The following SERF2 variants were observed in gnomAD, a reference collection of about 807,000 sequenced individuals.
SERF2 encodes gastric cancer-related protein VRG107.
A neutral mutation model predicts 10.7 loss-of-function variants in SERF2; 4 were observed. The observed-to-expected ratio is 0.37, with a 90% CI of 0.18 to 0.86. SERF2 has a LOEUF of 0.86. Among genes scored for constraint, SERF2 ranks in the 40% least tolerant of loss-of-function variants. SERF2 has a pLI of 0.43. For synonymous variants in SERF2, 26 were observed against 26.0 expected (o/e 1.00, Z 0.01); for missense variants, 47 against 79.1 (o/e 0.59, Z 1.54).
chr15:43,793,164 A>G (rs1162550250), intron 2 of SERF2, 81 bp downstream of exon 2: 10 of 879,210 alleles, frequency 1.1e-5, no homozygotes, highest in Non-Finnish European at 3.7e-6. Context: ...GAGCTACCTC[A>G]GGGCTTGAAT....
chr15:43,783,452 C>A (rs1253431551), intron 1 of SERF2, among the ~76,000 whole-genome samples: 1 of 152,066 alleles, frequency 6.6e-6, no homozygotes, highest in Admixed American at 6.6e-5. Context: ...CATGTGCCAC[C>A]ACGCCTGGCT....
intron 2 of SERF2, chr15:43,793,309 G>A (rs1304052910): frequency 1.4e-5 from 8 of 565,682 alleles, no homozygotes; most frequent in Non-Finnish European, 2.5e-5. Context: ...ATTTCTGAGC[G>A]TCCCTGGGTC....
upstream of SERF2, chr15:43,792,252 T>A (rs1325744111): frequency 1.3e-5 from 11 of 842,772 alleles, no homozygotes; most frequent in Admixed American, 2.1e-4. Context: ...GGGAGCCGGC[T>A]CCCGGGCGCG....
At chr15:43,786,918 T>A (rs2087011917) in intron 2 of SERF2, among the ~76,000 whole-genome samples, 1 of 152,162 alleles carries the variant, frequency 6.6e-6, no homozygotes, top group Non-Finnish European at 1.5e-5. Context: ...TCAGGCTAAT[T>A]TAGGCCACAT....
chr15:43,792,232 C>G, upstream of SERF2: 1 of 744,100 alleles, frequency 1.3e-6, no homozygotes, highest in East Asian at 2.6e-5. Flanking sequence ...CGTGCTTTTT[C>G]TTGTCCAATG....
intron 1 of SERF2, chr15:43,792,661 C>T: frequency 7.5e-7 from 1 of 1,338,398 alleles, no homozygotes; most frequent in Non-Finnish European, 9.8e-7. Context: ...CCCCACTCCA[C>T]AAGCCAGCCC....
chr15:43,781,913 A>C (rs1266334499), intron 1 of SERF2, among the ~76,000 whole-genome samples: 1 of 145,040 alleles, frequency 6.9e-6, no homozygotes, highest in East Asian at 2.1e-4. Flanking sequence ...TTTTTGAGAC[A>C]CAGTTTGCTT....
chr15:43,788,627 TCTC>T (rs1403661227), upstream of SERF2, among the ~76,000 whole-genome samples: 1 of 152,174 alleles, frequency 6.6e-6, no homozygotes, highest in Non-Finnish European at 1.5e-5. Flanking sequence ...TCCTGACTGG[TCTC>T]CTCATTTCTA....
chr15:43,784,779 G>T (rs978442239), intron 1 of SERF2, among the ~76,000 whole-genome samples: 5 of 144,746 alleles, frequency 3.5e-5, no homozygotes, highest in African/African-American at 1.3e-4. Flanking sequence ...TTGAGACGGT[G>T]TCTCACTCTG....
upstream of SERF2, among the ~76,000 whole-genome samples, chr15:43,791,332 C>T (rs1231331518): frequency 3.3e-5 from 5 of 151,776 alleles, no homozygotes; most frequent in Non-Finnish European, 7.4e-5. Flanking sequence ...ACTTCCGCCT[C>T]CCGGGTTCAA....
chr15:43,782,439 A>G (rs777835961), intron 1 of SERF2, among the ~76,000 whole-genome samples: 11 of 152,100 alleles, frequency 7.2e-5, no homozygotes, highest in Admixed American at 1.3e-4. Context: ...TTAGTTACCT[A>G]TGTACTTATT....
chr15:43,785,405 T>C (rs1415901111), intron 1 of SERF2: 1 of 151,944 alleles, frequency 6.6e-6, no homozygotes, highest in African/African-American at 2.4e-5. Context: ...TTTCCTTTTT[T>C]TTAGAGACAT....
At chr15:43,792,435 C>T in intron 1 of SERF2, 52 bp downstream of exon 1, 2 of 1,613,782 alleles carry the variant, frequency 1.2e-6, no homozygotes, top group Non-Finnish European at 1.7e-6. Flanking sequence ...TCACCCTAAA[C>T]ACCACCGGCG....
At position 43,792,325 on chromosome 15, in the gene SERF2, C is replaced by G. The variant is rs1567167130; in HGVS notation, c.-52C>G. Reference sequence around the variant, plus strand: ...CCAGAAGGGGCGGGACCTGCAACGTCCGACAGAACGAGGGGACGTAACGGA... The same window carrying G: ...CCAGAAGGGGCGGGACCTGCAACGTGCGACAGAACGAGGGGACGTAACGGA... On this transcript the variant is annotated 5_prime_UTR_variant, in exon 1 of 3. Transcript: ENST00000249786. 1 of 1,490,898 alleles carries G rather than the reference C, an allele frequency of 6.7e-7. No individual in the cohort carries two copies. The highest frequency in any genetic ancestry group is 1.4e-5 in the African/African-American group (1 of 72,356). 92.4% of individuals were successfully genotyped at this position (1,490,898 alleles called of 1,614,324 possible).
At chr15:43,790,929 A>ATT (rs1352371011), upstream of SERF2, among the ~76,000 whole-genome samples, 7 of 136,222 alleles carry the variant, frequency 5.1e-5, no homozygotes, top group African/African-American at 1.3e-4. Context: ...ACACCCAGCT[A>ATT]TTTTTTTTTT....
At chr15:43,788,736 C>G (rs1268160292), upstream of SERF2, among the ~76,000 whole-genome samples, 2 of 152,182 alleles carry the variant, frequency 1.3e-5, no homozygotes, top group African/African-American at 4.8e-5. Context: ...ACTCTCAGCT[C>G]CACCCCTTAT....
chr15:43,787,060 G>A (rs1178810537), intron 2 of SERF2, among the ~76,000 whole-genome samples: 4 of 147,330 alleles, frequency 2.7e-5, no homozygotes, highest in East Asian at 4.2e-4. Context: ...GTGCAGTGGC[G>A]CTCCACTCGG....
At chr15:43,777,086 G>A, upstream of SERF2, 3 of 1,018,782 alleles carry the variant, frequency 2.9e-6, no homozygotes, top group South Asian at 1.4e-5. Flanking sequence ...CGTGGGCGGC[G>A]CTTCGCTCTC....
rs772521828 is a variant in SERF2 at position 43,795,283 on chromosome 15, C to A, written c.*1510C>A. On this transcript the variant is annotated 3_prime_UTR_variant, in exon 3 of 3. Coordinates refer to ENST00000249786, the MANE Select transcript of SERF2 (RefSeq NM_001018108.4). ...CTTTTAGACCTGTTCTACCTCCTCA[C>A]CAAATATAATGGCAGACCCATGTGT... is the stretch of plus-strand genomic sequence containing the variant. 3.0e-5 allele frequency: 48 copies of A among 1,591,448 alleles called. No individual in the cohort carries two copies. The highest frequency in any genetic ancestry group is 4.0e-5 in the Non-Finnish European group (47 of 1,160,560).
Sources: gnomAD v4.1 joint callset for allele counts (sites outside exome capture counted in the v4.1 genomes callset) on GRCh38, gnomAD v4.1.1 for gene constraint, MANE v1.5 for transcripts, NCBI Gene and HGNC (gene_info 2026-07-23, HGNC 2026-07-21) for gene names.